Variants in SYT9 observed in about 807,000 individuals in gnomAD.
The protein encoded by SYT9 is synaptotagmin 9.
SYT9 carries 22 observed loss-of-function variants against 48.4 expected under a neutral mutation model. The observed-to-expected ratio is 0.45, with a 90% CI of 0.32 to 0.65. The LOEUF (loss-of-function observed/expected upper bound fraction) is 0.65, where lower values mean the gene tolerates loss of function less well. Among genes scored for constraint, SYT9 ranks in the 30% least tolerant of loss-of-function variants. The pLI is 0.03. For synonymous variants in SYT9, 265 were observed against 245.0 expected (o/e 1.08, Z -0.76); for missense variants, 577 against 622.0 (o/e 0.93, Z 0.77).
upstream of SYT9, among the ~76,000 whole-genome samples, chr11:7,247,601 A>T (rs180747643): frequency 9.5e-5 from 14 of 147,150 alleles, no homozygotes; most frequent in African/African-American, 3.2e-4. Context: ...ATATATACGT[A>T]TATATACATA....
chr11:7,308,567 T>G (rs1273704690), intron 2 of SYT9, among the ~76,000 whole-genome samples: 1 of 152,166 alleles, frequency 6.6e-6, no homozygotes, highest in Non-Finnish European at 1.5e-5. Context: ...GGATTTAATG[T>G]CCTTATTGAC....
intron 6 of SYT9, chr11:7,454,325 A>T: frequency 2.0e-6 from 2 of 984,240 alleles, no homozygotes; most frequent in Non-Finnish European, 1.2e-6. Flanking sequence ...GATGCTTACC[A>T]TTTCCGCTCT....
rs3086255 is a variant in SYT9 at position 7,384,062 on chromosome 11, CCACACACACACA to C, written c.1045-31960_1045-31949del. Among the ~76,000 whole-genome samples, 280 of 149,622 alleles carry C rather than the reference CCACACACACACA, an allele frequency of 1.9e-3. 1 individual carries two copies. Among genetic ancestry groups the C allele is most frequent in the South Asian group, 4.0e-3 (19 of 4,712 alleles). ...AAGATTTAGCTCTTAAATTCACTAGCCACACACACACACACACACACACACACACACCCTCAC... is the reference window on the plus strand; with the variant it reads ...AAGATTTAGCTCTTAAATTCACTAGCCACACACACACACACACACCCTCAC... On this transcript the variant is annotated intron_variant, in intron 3 of 6. Transcript: ENST00000318881.
At chr11:7,306,754 T>C (rs1849039294) in intron 2 of SYT9, among the ~76,000 whole-genome samples, 1 of 152,178 alleles carries the variant, frequency 6.6e-6, no homozygotes, top group Admixed American at 6.5e-5. Context: ...CCCCACTCCT[T>C]CCCACTTTAA....
chr11:7,312,813 C>T (rs1291375824), intron 2 of SYT9, among the ~76,000 whole-genome samples: 5 of 152,188 alleles, frequency 3.3e-5, no homozygotes, highest in African/African-American at 1.2e-4. Flanking sequence ...CCTGTCAGAG[C>T]CACCACAATC....
At chr11:7,313,374 C>T (rs1198309456) in intron 2 of SYT9, 21 bp from the exon 3 acceptor site, 1 of 1,584,708 alleles carries the variant, frequency 6.3e-7, no homozygotes, top group Non-Finnish European at 8.6e-7. Context: ...TAACTTTGTT[C>T]TGTGTTGCTC....
intron 1 of SYT9, among the ~76,000 whole-genome samples, chr11:7,274,202 T>C (rs1287680467): frequency 6.6e-6 from 1 of 152,210 alleles, no homozygotes; most frequent in Non-Finnish European, 1.5e-5. Context: ...TTTCTTTTCC[T>C]TCCAGTGGAG....
At chr11:7,450,991 A>G (rs551252346) in intron 6 of SYT9, among the ~76,000 whole-genome samples, 1 of 152,384 alleles carries the variant, frequency 6.6e-6, no homozygotes, top group African/African-American at 2.4e-5. Context: ...AATTAAAACT[A>G]GAACAATGCC....
At chr11:7,413,970 G>A (rs894353291) in intron 3 of SYT9, among the ~76,000 whole-genome samples, 7 of 151,980 alleles carry the variant, frequency 4.6e-5, no homozygotes, top group Non-Finnish European at 8.8e-5. Context: ...TCAAGTCTGA[G>A]GTTTGATTTT....
intron 6 of SYT9, among the ~76,000 whole-genome samples, chr11:7,448,581 A>C (rs1274505677): frequency 6.6e-6 from 1 of 152,256 alleles, no homozygotes; most frequent in Non-Finnish European, 1.5e-5. Context: ...TATGCACGTC[A>C]ATCTACGCTG....
At chr11:7,348,629 A>G (rs1431267476) in intron 3 of SYT9, among the ~76,000 whole-genome samples, 1 of 144,402 alleles carries the variant, frequency 6.9e-6, no homozygotes, top group Non-Finnish European at 1.5e-5. Flanking sequence ...CAGCATTCTC[A>G]ATGCCTCAGG....
Position 7,303,333 on chromosome 11 carries a change from A to T in SYT9, c.440A>T (p.Asn147Ile). The T allele has an allele frequency of 6.2e-7, 1 of 1,613,688 alleles. No individual in the cohort carries two copies. The highest frequency in any genetic ancestry group is 8.5e-7 in the Non-Finnish European group (1 of 1,180,010). Reference sequence around the variant, plus strand: ...TCCACCCAGACGGGGATCCAGGAGAACTGTGCCCATGGCGTCCGCGTGCAG... The same window carrying T: ...TCCACCCAGACGGGGATCCAGGAGATCTGTGCCCATGGCGTCCGCGTGCAG... ...PLSTQTGIQE[N>I]CAHGVRVQRQ... The change falls in exon 2 of 7, where the codon AAC becomes ATC. Residue 147 changes from asparagine to isoleucine, a missense_variant. Physicochemically the swap from Asn to Ile is moderately radical, Grantham distance 149 (BLOSUM62 -3). Coordinates refer to ENST00000318881, the MANE Select transcript of SYT9 (RefSeq NM_175733.4).
At chr11:7,433,461 C>T (rs990551645) in intron 6 of SYT9, among the ~76,000 whole-genome samples, 12 of 152,290 alleles carry the variant, frequency 7.9e-5, no homozygotes, top group Middle Eastern at 3.4e-3. Flanking sequence ...GAAATGGGAA[C>T]GGAGAAGTGG....
At chr11:7,295,280 G>A (rs1465561349) in intron 1 of SYT9, among the ~76,000 whole-genome samples, 14 of 152,180 alleles carry the variant, frequency 9.2e-5, no homozygotes, top group South Asian at 2.1e-4. Context: ...TAAATATCCC[G>A]TTTCATTGCT....
At chr11:7,322,870 T>C (rs778776201) in intron 3 of SYT9, among the ~76,000 whole-genome samples, 5 of 152,144 alleles carry the variant, frequency 3.3e-5, no homozygotes, top group Non-Finnish European at 7.3e-5. Context: ...TTTTTAAAAA[T>C]CATTTTACCA....
intron 3 of SYT9, among the ~76,000 whole-genome samples, chr11:7,349,876 A>G (rs1849879106): frequency 1.3e-5 from 2 of 152,364 alleles, no homozygotes; most frequent in African/African-American, 4.8e-5. Flanking sequence ...CTACACTTCA[A>G]AATATCCATC....
chr11:7,356,836 C>T (rs1850030525), intron 3 of SYT9, among the ~76,000 whole-genome samples: 1 of 152,210 alleles, frequency 6.6e-6, no homozygotes, highest in Non-Finnish European at 1.5e-5. Flanking sequence ...CAATTCTACA[C>T]TAAACTGTTA....
At chr11:7,369,167 C>T (rs1490164558) in intron 3 of SYT9, among the ~76,000 whole-genome samples, 1 of 152,112 alleles carries the variant, frequency 6.6e-6, no homozygotes, top group Admixed American at 6.6e-5. Context: ...TTTTTAATAA[C>T]CAACATTCTA....
At chr11:7,279,550 G>A (rs1212880477) in intron 1 of SYT9, among the ~76,000 whole-genome samples, 1 of 152,068 alleles carries the variant, frequency 6.6e-6, no homozygotes, top group Non-Finnish European at 1.5e-5. Context: ...CCCCAACTGA[G>A]AACCATGACC....
Sources: gnomAD v4.1 joint callset for allele counts (sites outside exome capture counted in the v4.1 genomes callset) on GRCh38, gnomAD v4.1.1 for gene constraint, MANE v1.5 for transcripts, NCBI Gene and HGNC (gene_info 2026-07-23, HGNC 2026-07-21) for gene names.